Variants in DDX54 observed in about 807,000 individuals in gnomAD.
DDX54 encodes ATP-dependent RNA helicase DDX54.
In DDX54, 67 loss-of-function variants were observed where a neutral mutation model predicts 105.5. The ratio of observed to expected loss-of-function variants is 0.64; its 90% CI spans 0.52 to 0.78. The LOEUF (loss-of-function observed/expected upper bound fraction) is 0.78. Among genes scored for constraint, DDX54 ranks in the 30% least tolerant of loss-of-function variants. The pLI, the probability that DDX54 is intolerant of heterozygous loss-of-function variation, is 0.00. For synonymous variants in DDX54, 514 were observed against 509.9 expected (o/e 1.01, Z -0.11); for missense variants, 1,206 against 1,230.5 (o/e 0.98, Z 0.30).
intron 18 of DDX54, 56 bp downstream of exon 18, chr12:113,161,837 T>G: frequency 1.4e-6 from 1 of 731,142 alleles, no homozygotes; most frequent in Non-Finnish European, 2.0e-6. Flanking sequence ...TAATTGAAGC[T>G]GCTCCTGCTG....
chr12:113,172,055 A>G (rs1169613572), intron 11 of DDX54, among the ~76,000 whole-genome samples: 1 of 152,222 alleles, frequency 6.6e-6, no homozygotes, highest in Non-Finnish European at 1.5e-5. Context: ...TACTGAAAGA[A>G]AAAAATAGAA....
intron 10 of DDX54, among the ~76,000 whole-genome samples, chr12:113,173,669 A>G (rs1952364323): frequency 6.6e-6 from 1 of 152,228 alleles, no homozygotes; most frequent in South Asian, 2.1e-4. Context: ...CATGCAGGTC[A>G]TGCCTCAATC....
In DDX54 at chr12:113,165,953, G is replaced by T. The variant is rs1253158019; in HGVS notation, c.1494C>A (p.Thr498=). The change falls in exon 13 of 20, where the codon ACC becomes ACA. Residue 498 remains threonine, a synonymous_variant. Transcript: ENST00000306014. ...CCCGTAGCTCCAGCGATGCCTCCAG[G>T]GTGCTCTGCAGACCACTGTCCTCCT... ...VDEEDSGLQS[T]LEASLELRGL... The T allele has an allele frequency of 1.2e-6, 2 of 1,613,522 alleles. No individual in the cohort carries two copies. The highest frequency in any genetic ancestry group is 1.1e-5 in the South Asian group (1 of 91,086).
At position 113,158,517 on chromosome 12, in the gene DDX54, A is replaced by C. The variant is rs893837846; in HGVS notation, c.*360T>G. 1 of 203,382 alleles carries C rather than the reference A, an allele frequency of 4.9e-6. No homozygotes were observed. Among genetic ancestry groups the C allele is most frequent in the Non-Finnish European group, 9.8e-6 (1 of 102,520 alleles). 12.6% of individuals were successfully genotyped at this position (203,382 alleles called of 1,614,324 possible). ...GCAGTGCTCAATAAAGATTTATTAC[A>C]TTAAAAATTCCATTGCCAAACCCTG... On this transcript the variant is annotated 3_prime_UTR_variant, in exon 20 of 20. Coordinates refer to ENST00000306014, the MANE Select transcript of DDX54 (RefSeq NM_024072.4). The surrounding 1 kb of genome is among the most constrained non-coding windows in gnomAD (Gnocchi z 4.9).
intron 7 of DDX54, among the ~76,000 whole-genome samples, chr12:113,175,422 C>T (rs1188492360): frequency 1.3e-5 from 2 of 152,288 alleles, no homozygotes; most frequent in East Asian, 1.9e-4. Flanking sequence ...CCTGTAATCC[C>T]AGCACTTTGA....
At chr12:113,181,557 C>T (rs1220263591) in intron 1 of DDX54, among the ~76,000 whole-genome samples, 1 of 151,874 alleles carries the variant, frequency 6.6e-6, no homozygotes, top group Non-Finnish European at 1.5e-5. Flanking sequence ...GTATTCCTCC[C>T]TTCTTGGCCT....
At chr12:113,178,126 A>T (rs976103266) in intron 5 of DDX54, among the ~76,000 whole-genome samples, 5 of 152,184 alleles carry the variant, frequency 3.3e-5, no homozygotes, top group Non-Finnish European at 5.9e-5. Context: ...AGTGCCAGCT[A>T]CTGGGGAGGC....
chr12:113,177,593 A>C (rs1952418876), intron 5 of DDX54, among the ~76,000 whole-genome samples: 2 of 152,122 alleles, frequency 1.3e-5, no homozygotes, highest in South Asian at 4.1e-4. Context: ...GACAATCACA[A>C]ACTTCAGAAA....
rs1952520934 is a variant in DDX54, at chr12:113,185,457, CCG to C, written c.-8_-7del. ...GGGCCCTTGTCGGCCGCCATTCGGG[CCG>C]CGCGCTGGGAACGCAGAAGGGGGCG... On this transcript the variant is annotated 5_prime_UTR_variant, in exon 1 of 20. Coordinates refer to ENST00000306014, the MANE Select transcript of DDX54 (RefSeq NM_024072.4). 3 of 1,498,396 alleles carry C rather than the reference CCG, an allele frequency of 2.0e-6. No homozygotes were observed. Among genetic ancestry groups the C allele is most frequent in the Admixed American group, 2.2e-5 (1 of 45,638 alleles). 92.8% of individuals were successfully genotyped at this position (1,498,396 alleles called of 1,614,324 possible).
Position 113,162,938 on chromosome 12 carries a change from A to G in DDX54, c.2189T>C (p.Leu730Pro). Residue 730 changes from leucine (L) to proline (P), a missense_variant, in exon 17 of 20, where the codon CTC becomes CCC. Around this residue, in one of 3 missense-constraint regions of DDX54, gnomAD observed 961 missense variants for 1,019.1 expected, o/e 0.94. Transcript: ENST00000306014. ...GGCTCACTCGATCACTCACCACTTGAGCTGCTGCCGGCCCCTCGTCAGGTT... is the reference window on the plus strand; with the variant it reads ...GGCTCACTCGATCACTCACCACTTGGGCTGCTGCCGGCCCCTCGTCAGGTT... ...AQNLTRGRQQ[L>P]KWDRKKKRFV... The G allele has an allele frequency of 6.3e-7, 1 of 1,596,072 alleles. No homozygotes were observed.
At chr12:113,180,881 C>T (rs201151414) in intron 2 of DDX54, 48 bp downstream of exon 2, 122 of 1,609,372 alleles carry the variant, frequency 7.6e-5, no homozygotes, top group Non-Finnish European at 7.6e-5. Flanking sequence ...GCGGGGTTGA[C>T]CTCCAGCTGC....
At chr12:113,169,490 G>A (rs1253715412) in intron 12 of DDX54, among the ~76,000 whole-genome samples, 1 of 151,838 alleles carries the variant, frequency 6.6e-6, no homozygotes. Context: ...GCGTGGTGGC[G>A]GGCATCTATA....
chr12:113,170,203 T>C (rs1378245468), intron 11 of DDX54, among the ~76,000 whole-genome samples: 2 of 152,146 alleles, frequency 1.3e-5, no homozygotes, highest in African/African-American at 4.8e-5. Context: ...GATGTAAAGA[T>C]TCACACACAA....
At position 113,163,981 on chromosome 12, in the gene DDX54, A is replaced by G; in HGVS notation, c.1938+86T>C. 6.9e-7 allele frequency: 1 copy of G among 1,454,972 alleles called. No individual in the cohort carries two copies. Among genetic ancestry groups the G allele is most frequent in the South Asian group, 1.4e-5 (1 of 69,556 alleles). The allele number at this position is 1,454,972 out of a possible 1,614,324, so 90.1% of individuals were successfully genotyped here. A position where few individuals can be genotyped will look rare whatever the true frequency, so the allele number is the denominator to read the frequency against. On this transcript the variant is annotated intron_variant, in intron 15 of 19. Coordinates refer to ENST00000306014, the MANE Select transcript of DDX54 (RefSeq NM_024072.4). This position sits in a 1 kb window ranked among gnomAD's most constrained non-coding sequence, Gnocchi z 5.9. ...ATCCACCTCCATCCACTGCTCAAAG[A>G]TCCTAGGACAGCCTCATGGGCTGCT... is the stretch of plus-strand genomic sequence containing the variant.
chr12:113,172,066 C>A (rs1353417848), intron 11 of DDX54, among the ~76,000 whole-genome samples: 1 of 151,510 alleles, frequency 6.6e-6, no homozygotes, highest in Non-Finnish European at 1.5e-5. Flanking sequence ...AAAAATAGAA[C>A]AGCTGTATGG....
intron 11 of DDX54, among the ~76,000 whole-genome samples, chr12:113,170,131 G>A (rs559725470): frequency 6.6e-6 from 1 of 152,308 alleles, no homozygotes; most frequent in Admixed American, 6.5e-5. Context: ...ATACAGCAAG[G>A]CCCTGCTCAT....
intron 14 of DDX54, 117 bp downstream of exon 14, chr12:113,165,527 T>G (rs536120750): frequency 2.7e-6 from 3 of 1,102,260 alleles, no homozygotes; most frequent in East Asian, 2.7e-5. Context: ...GGGTCAGGAG[T>G]GCAATCTGAG....
At chr12:113,172,056 A>G (rs1952345995) in intron 11 of DDX54, among the ~76,000 whole-genome samples, 1 of 152,244 alleles carries the variant, frequency 6.6e-6, no homozygotes, top group African/African-American at 2.4e-5. Context: ...ACTGAAAGAA[A>G]AAAATAGAAC....
Position 113,158,875 on chromosome 12 carries a change from C to T in DDX54, c.*2G>A. 1 of 1,594,088 alleles carries T rather than the reference C, an allele frequency of 6.3e-7. No individual in the cohort carries two copies. The highest frequency in any genetic ancestry group is 8.6e-7 in the Non-Finnish European group (1 of 1,166,146). The stretch of plus-strand genomic sequence containing the variant: ...AGGAGCCACGGGGCTGGGTCCTGGT[C>T]CTCACATCCTCTTCCGCATCTTGCC... On this transcript the variant is annotated 3_prime_UTR_variant, in exon 20 of 20. Transcript: ENST00000306014. The surrounding 1 kb of genome is among the most constrained non-coding windows in gnomAD (Gnocchi z 4.9).
Sources: allele counts gnomAD v4.1 joint callset (sites outside exome capture counted in the v4.1 genomes callset), GRCh38; gene constraint gnomAD v4.1.1; regional missense constraint gnomAD v4.1.1; non-coding constraint Gnocchi (gnomAD v3.1); transcripts MANE v1.5; gene names NCBI Gene and HGNC (gene_info 2026-07-23, HGNC 2026-07-21).